HERC2: variants seen among roughly 807,000 people sequenced by gnomAD.
HERC2 encodes E3 ubiquitin-protein ligase HERC2.
In HERC2, 102 loss-of-function variants were observed where a neutral mutation model predicts 537.7. That is an observed-to-expected ratio of 0.19 (90% CI 0.16 to 0.22). HERC2 has a LOEUF of 0.22. Ranked by LOEUF, HERC2 falls within the 10% of genes least tolerant of loss-of-function variation. The probability of loss-of-function intolerance (pLI) is 1.00; values close to 1 mark genes in which losing one functional copy is unlikely to be tolerated. For synonymous variants in HERC2, 2,224 were observed against 2,466.2 expected (o/e 0.90, Z 2.91); for missense variants, 4,236 against 6,198.2 (o/e 0.68, Z 10.63).
chr15:28,125,506 C>T (rs983490754), intron 83 of HERC2, among the ~76,000 whole-genome samples: 1 of 152,186 alleles, frequency 6.6e-6, no homozygotes, highest in Admixed American at 6.6e-5. Context: ...TGTTAGTTCT[C>T]AGGACTAGGC....
rs144159781 is a variant in HERC2 at position 28,116,998 on chromosome 15, G to A, written c.13414+15C>T. 1.0e-4 allele frequency: 166 copies of A among 1,614,052 alleles called. No homozygotes were observed. In the African/African-American group the frequency reaches 1.5e-3, roughly 15 times the overall value. ...GCCGGGGACACAGGTGCTCCAGCAC[G>A]TGGCAAGTTCTCACCCACAAACTTG... On this transcript the variant is annotated intron_variant, in intron 87 of 92. Transcript: ENST00000261609.
At chr15:28,321,891 G>A (rs1315221080) in intron 1 of HERC2, among the ~76,000 whole-genome samples, 184 bp downstream of exon 1, 1 of 145,008 alleles carries the variant, frequency 6.9e-6, no homozygotes, top group Non-Finnish European at 1.5e-5. Flanking sequence ...AGGATCGCCT[G>A]CAGAAAAACC....
chr15:28,253,818 C>T (rs1467112891), intron 20 of HERC2, among the ~76,000 whole-genome samples: 1 of 150,824 alleles, frequency 6.6e-6, no homozygotes, highest in Non-Finnish European at 1.5e-5. Context: ...AAAAATCAGC[C>T]AGGTGTGGTT....
intron 9 of HERC2, 133 bp from the exon 10 acceptor site, chr15:28,271,001 TTATAC>T (rs1334869358): frequency 9.9e-6 from 7 of 709,190 alleles, no homozygotes; most frequent in Middle Eastern, 3.9e-4. Flanking sequence ...AATGATACAG[TTATAC>T]TATACATCTA....
At chr15:28,255,741 T>A in intron 19 of HERC2, 131 bp downstream of exon 19, 1 of 1,024,190 alleles carries the variant, frequency 9.8e-7, no homozygotes, top group Non-Finnish European at 1.4e-6. Flanking sequence ...ATAAAAGAAT[T>A]TTAATTTAAA....
chr15:28,251,661 G>A lies in HERC2; in HGVS notation c.3050+2679C>T, dbSNP rs181889482. Among the ~76,000 whole-genome samples, 108 of 151,308 alleles carry A rather than the reference G, an allele frequency of 7.1e-4. No individual in the cohort carries two copies. In the East Asian group the frequency reaches 0.01, roughly 14 times the overall value. On this transcript the variant is annotated intron_variant, in intron 20 of 92. Coordinates refer to ENST00000261609, the MANE Select transcript of HERC2 (RefSeq NM_004667.6). Reference sequence around the variant, plus strand: ...ACAAAAATACAAAAATCAGCAAGGCGTGGTGGTGTACGCCTGTGGTCCCAG... The same window carrying A: ...ACAAAAATACAAAAATCAGCAAGGCATGGTGGTGTACGCCTGTGGTCCCAG...
At chr15:28,314,255 G>T (rs557558395) in intron 2 of HERC2, among the ~76,000 whole-genome samples, 2 of 152,204 alleles carry the variant, frequency 1.3e-5, no homozygotes, top group East Asian at 3.9e-4. Context: ...CAGACCAAGA[G>T]TAGATCCTGA....
Position 28,318,300 on chromosome 15 carries a change from T to C in HERC2, c.72+3062A>G, listed in dbSNP as rs142538716. ...TTTACGAGAGCAGTGAAGGAAAACA[T>C]GGTGATTCAATCACTCCACACACCA... On this transcript the variant is annotated intron_variant, in intron 2 of 92. Coordinates refer to ENST00000261609, the MANE Select transcript of HERC2 (RefSeq NM_004667.6). Among the ~76,000 whole-genome samples, 624 of 152,160 alleles carry C rather than the reference T, an allele frequency of 4.1e-3. 4 individuals carry two copies. Among genetic ancestry groups the C allele is most frequent in the African/African-American group, 0.014 (586 of 41,492 alleles).
rs1427631845 is a variant in HERC2 at position 28,152,772 on chromosome 15, G to A, written c.10805C>T (p.Ser3602Leu). The A allele has an allele frequency of 2.6e-6, 4 of 1,553,452 alleles. No individual in the cohort carries two copies. The highest frequency in any genetic ancestry group is 3.9e-5 in the Admixed American group (2 of 51,438). The change falls in exon 70 of 93, where the codon TCG (serine) becomes TTG (leucine). Residue 3602 changes from serine (S) to leucine (L), a missense_variant. By Grantham distance (145) the Ser-to-Leu change is moderately radical. This residue lies in a region of HERC2 where 356 missense variants were observed against 450.9 expected (regional missense o/e 0.79). Coordinates refer to ENST00000261609, the MANE Select transcript of HERC2 (RefSeq NM_004667.6). Reference protein sequence around the residue: ...VTELEDVATDSQSGRLSSQPV... With the variant: ...VTELEDVATDLQSGRLSSQPV... ...CTGAGAAGAGAGGCGGCCGCTCTGC[G>A]AGTCTGTGGCCACATCCTCCAACTC...
At chr15:28,159,076 C>A (rs1454875844) in intron 69 of HERC2, among the ~76,000 whole-genome samples, 1 of 152,222 alleles carries the variant, frequency 6.6e-6, no homozygotes, top group East Asian at 1.9e-4. Flanking sequence ...CCACTCTCTT[C>A]TGGCTTGTAG....
At chr15:28,160,787 A>G (rs1893518840) in intron 69 of HERC2, among the ~76,000 whole-genome samples, 3 of 152,146 alleles carry the variant, frequency 2.0e-5, no homozygotes, top group Admixed American at 1.3e-4. Context: ...CTGGTATCTC[A>G]GTTGGAAATG....
chr15:28,275,299 C>T (rs1567105483), intron 5 of HERC2, among the ~76,000 whole-genome samples: 1 of 152,158 alleles, frequency 6.6e-6, no homozygotes, highest in Non-Finnish European at 1.5e-5. Context: ...AGGAAGCAGA[C>T]GATAAGGAGA....
At chr15:28,112,067 T>C (rs371415400) in intron 92 of HERC2, 32 bp from the exon 93 acceptor site, 8 of 1,605,884 alleles carry the variant, frequency 5.0e-6, no homozygotes, top group Non-Finnish European at 6.8e-6. Context: ...TGATTAGAAA[T>C]TGAGTACGGC....
intron 4 of HERC2, among the ~76,000 whole-genome samples, chr15:28,288,370 T>C (rs1217377917): frequency 6.8e-6 from 1 of 147,544 alleles, no homozygotes; most frequent in Admixed American, 6.8e-5. Flanking sequence ...TACTCAAAAA[T>C]ACAAAATTAG....
intron 43 of HERC2, among the ~76,000 whole-genome samples, chr15:28,212,218 C>T (rs1461524286): frequency 2.0e-5 from 3 of 152,164 alleles, no homozygotes; most frequent in African/African-American, 7.2e-5. Flanking sequence ...AGGGTGTGAG[C>T]CATGGGGTTC....
At chr15:28,169,798 T>C (rs974830972) in intron 65 of HERC2, 143 bp from the exon 66 acceptor site, 32 of 689,764 alleles carry the variant, frequency 4.6e-5, no homozygotes, top group African/African-American at 3.3e-4. Flanking sequence ...GGCTCATTAA[T>C]AGGCCTTCAA....
chr15:28,267,005 A>G (rs2075587015), intron 12 of HERC2, among the ~76,000 whole-genome samples: 1 of 152,242 alleles, frequency 6.6e-6, no homozygotes, highest in East Asian at 1.9e-4. Context: ...TTACAAATGA[A>G]AAGTATGAGG....
chr15:28,214,289 G>A lies in HERC2; in HGVS notation c.6359-17C>T, dbSNP rs1443014892. 1.2e-6 allele frequency: 2 copies of A among 1,605,170 alleles called. No homozygotes were observed. Among genetic ancestry groups the A allele is most frequent in the Non-Finnish European group, 1.7e-6 (2 of 1,174,168 alleles). On this transcript the variant is annotated splice_polypyrimidine_tract_variant and intron_variant, in intron 40 of 92. Transcript: ENST00000261609. ...GCGTGGACTCTGAGGAGGAAACCAG[G>A]GGAGAAGCTGCTGCACCGCTCTTCA...
intron 78 of HERC2, among the ~76,000 whole-genome samples, chr15:28,138,705 T>A (rs1566933512): frequency 6.6e-6 from 1 of 152,080 alleles, no homozygotes; most frequent in Non-Finnish European, 1.5e-5. Flanking sequence ...AACACATCAT[T>A]TTTTCTGCAG....
Sources: allele counts gnomAD v4.1 joint callset (sites outside exome capture counted in the v4.1 genomes callset), GRCh38; gene constraint gnomAD v4.1.1; regional missense constraint gnomAD v4.1.1; transcripts MANE v1.5; gene names NCBI Gene and HGNC (gene_info 2026-07-23, HGNC 2026-07-21).